MAX: variants seen among roughly 807,000 people sequenced by gnomAD.
MAX encodes the protein protein max.
In MAX, 3 loss-of-function variants were observed where a neutral mutation model predicts 22.3. The ratio of observed to expected loss-of-function variants is 0.13; its 90% CI spans 0.06 to 0.35. The LOEUF (loss-of-function observed/expected upper bound fraction) is 0.35. MAX is among the 10% of genes least tolerant of loss of function. MAX has a pLI of 1.00. For missense variants in MAX, 119 were observed against 209.4 expected, an observed-to-expected ratio of 0.57 and a Z score of 2.66; for synonymous variants, 72 against 77.7, an observed-to-expected ratio of 0.93 and a Z score of 0.39.
downstream of MAX, among the ~76,000 whole-genome samples, chr14:65,071,160 GAGA>G (rs1447829011): frequency 3.4e-5 from 5 of 149,150 alleles, no homozygotes; most frequent in South Asian, 2.1e-4. The surrounding 1 kb of genome is among the most constrained non-coding windows in gnomAD (Gnocchi z 4.2). Context: ...TTTTTTTTCT[GAGA>G]AGGAGTCTTG....
At position 65,014,893 on chromosome 14, in the gene MAX, T is replaced by C. The variant is rs939597570; in HGVS notation, c.172-8609A>G. The stretch of plus-strand genomic sequence containing the variant: ...CAGTGCTTGGCACAAGTAGATACTA[T>C]CAAATATTTGTTGAATCAGTGATTG... On this transcript the variant is annotated intron_variant, in intron 3 of 3. Coordinates refer to the MAX transcript ENST00000341653. The surrounding 1 kb of genome is among the most constrained non-coding windows in gnomAD (Gnocchi z 5.1). 6.6e-6 allele frequency among the ~76,000 whole-genome samples: 1 copy of C among 152,116 alleles called. No individual in the cohort carries two copies. The highest frequency in any genetic ancestry group is 1.5e-5 in the Non-Finnish European group (1 of 68,010).
chr14:65,049,999 TAAATTTTAA>T (rs1566574382), intron 3 of MAX, among the ~76,000 whole-genome samples: 1 of 152,156 alleles, frequency 6.6e-6, no homozygotes, highest in Non-Finnish European at 1.5e-5. Flanking sequence ...TTACATTAAT[TAAATTTTAA>T]AAATTTTAAA....
In MAX at chr14:65,078,210, T is replaced by TA. The variant is rs529609538; in HGVS notation, c.172-175dup. ...GGCTTTATTTATTTATTTATTTTTTTATTTTTTTGAGACAGAGTTTCGCTC... is the reference window on the plus strand; with the variant it reads ...GGCTTTATTTATTTATTTATTTTTTTAATTTTTTTGAGACAGAGTTTCGCTC... On this transcript the variant is annotated intron_variant, in intron 3 of 4. Coordinates refer to ENST00000358664, the MANE Select transcript of MAX (RefSeq NM_002382.5). This position sits in a 1 kb window ranked among gnomAD's most constrained non-coding sequence, Gnocchi z 6.4. Among the ~76,000 whole-genome samples, 624 of 152,206 alleles carry TA rather than the reference T, an allele frequency of 4.1e-3. 3 individuals are homozygous for TA. The highest frequency in any genetic ancestry group is 5.5e-3 in the Non-Finnish European group (374 of 68,018).
chr14:65,092,079 G>A (rs1042282724), intron 3 of MAX, among the ~76,000 whole-genome samples: 3 of 152,198 alleles, frequency 2.0e-5, no homozygotes, highest in South Asian at 2.1e-4. Context: ...TAATTATAAG[G>A]ACTTAAGGAA....
At position 65,030,531 on chromosome 14, in the gene MAX, G is replaced by A. The variant is rs951506693; in HGVS notation, c.172-24247C>T. On this transcript the variant is annotated intron_variant, in intron 3 of 3. Coordinates refer to the MAX transcript ENST00000341653. The surrounding 1 kb of genome is among the most constrained non-coding windows in gnomAD (Gnocchi z 4.5). ...AGATGAGAGAATCACTTGAGGCCAG[G>A]AGTTCAAGACCAACCTGGGTAACAC... 1.3e-5 allele frequency among the ~76,000 whole-genome samples: 2 copies of A among 152,130 alleles called. No individual in the cohort carries two copies. Among genetic ancestry groups the A allele is most frequent in the African/African-American group, 4.8e-5 (2 of 41,428 alleles).
rs1433086934 is a variant in MAX at position 65,077,840 on chromosome 14, C to A, written c.295+73G>T. 6.2e-7 allele frequency: 1 copy of A among 1,614,066 alleles called. No individual in the cohort carries two copies. The highest frequency in any genetic ancestry group is 8.5e-7 in the Non-Finnish European group (1 of 1,180,050). ...TACTCCATGACTGGCTCTGACTCTGCAGGCCCAGGTGCCAAAGCCTGACCT... is the reference window on the plus strand; with the variant it reads ...TACTCCATGACTGGCTCTGACTCTGAAGGCCCAGGTGCCAAAGCCTGACCT... On this transcript the variant is annotated intron_variant, in intron 4 of 4. Coordinates refer to ENST00000358664, the MANE Select transcript of MAX (RefSeq NM_002382.5). The surrounding 1 kb of genome is among the most constrained non-coding windows in gnomAD (Gnocchi z 6.3).
intron 3 of MAX, among the ~76,000 whole-genome samples, chr14:65,046,157 G>A (rs1304408202): frequency 6.6e-6 from 1 of 152,010 alleles, no homozygotes; most frequent in Non-Finnish European, 1.5e-5. Context: ...TGTATTTTTA[G>A]TAGAGACAGG....
At chr14:65,073,213 G>A (rs1470430322), downstream of MAX, among the ~76,000 whole-genome samples, 1 of 152,204 alleles carries the variant, frequency 6.6e-6, no homozygotes, top group African/African-American at 2.4e-5. Flanking sequence ...CCACCGAGTG[G>A]CAGAGACAGG....
rs144785612 is a variant in MAX at position 65,020,119 on chromosome 14, G to A, written c.172-13835C>T. 1.3e-4 allele frequency among the ~76,000 whole-genome samples: 20 copies of A among 152,220 alleles called. No homozygotes were observed. In the East Asian group the frequency reaches 3.5e-3, roughly 26 times the overall value. ...TCTCTTTCCTATTTTGTTCACTGCTGTGCTTCTATTTGTTTAGGGAACAAT... is the reference window on the plus strand; with the variant it reads ...TCTCTTTCCTATTTTGTTCACTGCTATGCTTCTATTTGTTTAGGGAACAAT... On this transcript the variant is annotated intron_variant, in intron 3 of 3. Transcript: ENST00000341653.
At chr14:65,046,842 G>A (rs1282061790) in intron 3 of MAX, among the ~76,000 whole-genome samples, 15 of 103,476 alleles carry the variant, frequency 1.4e-4, no homozygotes, top group Non-Finnish European at 2.5e-4. Flanking sequence ...TGAAGTTACA[G>A]GTGATGTTTG....
In MAX at chr14:65,079,662, C is replaced by G. The variant is rs574033051; in HGVS notation, c.172-1626G>C. 6.6e-6 allele frequency among the ~76,000 whole-genome samples: 1 copy of G among 152,274 alleles called. No individual in the cohort carries two copies. The highest frequency in any genetic ancestry group is 2.4e-5 in the African/African-American group (1 of 41,564). ...TTCTGTATTACAAGCCCAATGGGTC[C>G]TAAACAACCAGAACACAACAGCGGG... is the stretch of plus-strand genomic sequence containing the variant. On this transcript the variant is annotated intron_variant, in intron 3 of 4. Coordinates refer to ENST00000358664, the MANE Select transcript of MAX (RefSeq NM_002382.5). This position sits in a 1 kb window ranked among gnomAD's most constrained non-coding sequence, Gnocchi z 4.5.
rs534451770 is a variant in MAX at position 65,028,278 on chromosome 14, C to T, written c.172-21994G>A. 1.6e-3 allele frequency among the ~76,000 whole-genome samples: 244 copies of T among 152,228 alleles called. 1 individual carries two copies. The highest frequency in any genetic ancestry group is 3.0e-3 in the Non-Finnish European group (204 of 68,014). The stretch of plus-strand genomic sequence containing the variant: ...CCGGGAGAGTGCAGTGCAATAAAAT[C>T]GCATTAACTGATTGGTGCCAGTTAG... On this transcript the variant is annotated intron_variant, in intron 3 of 3. Transcript: ENST00000341653. The surrounding 1 kb of genome is among the most constrained non-coding windows in gnomAD (Gnocchi z 4.4).
rs1026126593 is a variant in MAX at position 65,023,363 on chromosome 14, A to G, written c.172-17079T>C. Among the ~76,000 whole-genome samples, 8 of 152,142 alleles carry G rather than the reference A, an allele frequency of 5.3e-5. No individual in the cohort carries two copies. Among genetic ancestry groups the G allele is most frequent in the Non-Finnish European group, 1.0e-4 (7 of 68,018 alleles). On this transcript the variant is annotated intron_variant, in intron 3 of 3. Coordinates refer to the MAX transcript ENST00000341653. This position sits in a 1 kb window ranked among gnomAD's most constrained non-coding sequence, Gnocchi z 4.1. The stretch of plus-strand genomic sequence containing the variant: ...GAGCCACCACGCCTGGCCAGAATCA[A>G]TCACTTTAGATCAGTCCTCAGCCAT...
At chr14:65,017,379 G>T (rs911426325) in intron 3 of MAX, among the ~76,000 whole-genome samples, 2 of 152,190 alleles carry the variant, frequency 1.3e-5, no homozygotes, top group African/African-American at 4.8e-5. Flanking sequence ...GGGGATTTCT[G>T]TGAGCCTGGA....
At chr14:65,083,942 C>CA in intron 3 of MAX, 1 of 1,354,882 alleles carries the variant, frequency 7.4e-7, no homozygotes. Flanking sequence ...TTTGGATCCA[C>CA]ATTAAACTAG....
chr14:65,030,304 T>C lies in MAX; in HGVS notation c.172-24020A>G, dbSNP rs1278353297. Among the ~76,000 whole-genome samples the C allele has an allele frequency of 1.3e-5, 2 of 152,218 alleles. No individual in the cohort carries two copies. The highest frequency in any genetic ancestry group is 4.8e-5 in the African/African-American group (2 of 41,466). ...ACTTGTGACTCTTGTGTGCTCCCAA[T>C]GCCTGCTGGTGGAACTAAACTTCCA... On this transcript the variant is annotated intron_variant, in intron 3 of 3. Transcript: ENST00000341653. The surrounding 1 kb of genome is among the most constrained non-coding windows in gnomAD (Gnocchi z 4.5).
chr14:65,041,472 G>A (rs1183575363), intron 3 of MAX, among the ~76,000 whole-genome samples: 1 of 152,136 alleles, frequency 6.6e-6, no homozygotes, highest in African/African-American at 2.4e-5. Flanking sequence ...GTAGTTAAAT[G>A]ATCAGTGGGT....
downstream of MAX, among the ~76,000 whole-genome samples, chr14:65,070,677 C>T (rs539716160): frequency 4.9e-4 from 75 of 152,358 alleles, no homozygotes; most frequent in Middle Eastern, 3.4e-3. This position sits in a 1 kb window ranked among gnomAD's most constrained non-coding sequence, Gnocchi z 4.4. Flanking sequence ...GCGGGCCCCT[C>T]GGCCCAGTCA....
intron 3 of MAX, among the ~76,000 whole-genome samples, chr14:65,024,472 CTG>C (rs2061944630): frequency 1.3e-5 from 2 of 152,114 alleles, no homozygotes; most frequent in South Asian, 2.1e-4. Flanking sequence ...GACTGGGTCT[CTG>C]TATTCTTTTA....
Sources: allele counts gnomAD v4.1 joint callset (sites outside exome capture counted in the v4.1 genomes callset), GRCh38; gene constraint gnomAD v4.1.1; non-coding constraint Gnocchi (gnomAD v3.1); transcripts MANE v1.5; gene names NCBI Gene and HGNC (gene_info 2026-07-23, HGNC 2026-07-21).